Variants in PRSS38 observed in about 807,000 individuals in gnomAD.
PRSS38 encodes marapsin 2.
Under a neutral mutation model 26.8 loss-of-function variants are expected in PRSS38, and 22 were observed. The ratio of observed to expected loss-of-function variants is 0.82; its 90% CI spans 0.59 to 1.17. The LOEUF (loss-of-function observed/expected upper bound fraction) is 1.17. Ranked by LOEUF, PRSS38 falls within the 50% of genes most tolerant of loss-of-function variation. The probability of loss-of-function intolerance (pLI) is 0.00; values close to 1 mark genes in which losing one functional copy is unlikely to be tolerated. For missense variants in PRSS38, 427 were observed against 422.7 expected (o/e 1.01, Z -0.09); for synonymous variants, 175 against 172.1 (o/e 1.02, Z -0.13).
In PRSS38 at chr1:227,818,675, C is replaced by CAAAAAAAAAAAAAAAAAAA. The variant is rs71180764; in HGVS notation, c.583+1201_583+1219dup. Among the ~76,000 whole-genome samples the CAAAAAAAAAAAAAAAAAAA allele has an allele frequency of 3.3e-5, 2 of 61,070 alleles. 1 individual carries two copies. The highest frequency in any genetic ancestry group is 5.8e-5 in the Non-Finnish European group (2 of 34,234). 40.1% of individuals were successfully genotyped at this position (61,070 alleles called of 152,430 possible). A position where few individuals can be genotyped will look rare whatever the true frequency, so the allele number is the denominator to read the frequency against. ...CCTGGGCAACAGTGAGACCTTCTCTCAAAAAAAAAAAAAAAAAAAAAAAAC... is the reference window on the plus strand; with the variant it reads ...CCTGGGCAACAGTGAGACCTTCTCTCAAAAAAAAAAAAAAAAAAAAAAAAAAAAAAAAAAAAAAAAAAAC... On this transcript the variant is annotated intron_variant, in intron 3 of 4. Transcript: ENST00000366757.
chr1:227,833,495 C>G (rs1665191944), intron 3 of PRSS38, among the ~76,000 whole-genome samples: 1 of 150,570 alleles, frequency 6.6e-6, no homozygotes, highest in African/African-American at 2.4e-5. Context: ...GCACTGCACT[C>G]TAGCCTGGGC....
At chr1:227,831,716 G>T (rs12406478) in intron 3 of PRSS38, among the ~76,000 whole-genome samples, 17,506 of 152,090 alleles carry the variant, frequency 0.12, 1,309 homozygotes, top group East Asian at 0.22. Context: ...GCTGGGTGTG[G>T]TGGCATGCAC....
chr1:227,828,663 G>T (rs1373563134), intron 3 of PRSS38, among the ~76,000 whole-genome samples: 1 of 152,172 alleles, frequency 6.6e-6, no homozygotes, highest in African/African-American at 2.4e-5. Flanking sequence ...ATGAAGAAGG[G>T]TCCTCAACAA....
At chr1:227,845,755 G>A in intron 4 of PRSS38, 143 bp downstream of exon 4, 4 of 1,210,246 alleles carry the variant, frequency 3.3e-6, no homozygotes, top group East Asian at 2.4e-5. Context: ...ATGACAATGT[G>A]TGAACGCCGC....
chr1:227,821,111 C>T (rs565562292), intron 3 of PRSS38, among the ~76,000 whole-genome samples: 1 of 152,160 alleles, frequency 6.6e-6, no homozygotes, highest in Non-Finnish European at 1.5e-5. Flanking sequence ...AAAAACCAAA[C>T]TCACTTATGA....
intron 3 of PRSS38, among the ~76,000 whole-genome samples, chr1:227,841,685 T>A (rs1231632405): frequency 6.6e-6 from 1 of 152,170 alleles, no homozygotes; most frequent in Non-Finnish European, 1.5e-5. Context: ...CAGGAAAGGG[T>A]TGACCCAATG....
intron 3 of PRSS38, among the ~76,000 whole-genome samples, chr1:227,831,084 A>G (rs1045550399): frequency 6.6e-6 from 1 of 151,756 alleles, no homozygotes; most frequent in African/African-American, 2.4e-5. Context: ...CTTTGAATTT[A>G]ATTGTTCTTT....
At position 227,830,640 on chromosome 1, in the gene PRSS38, C is replaced by T. The variant is rs963189933; in HGVS notation, c.583+13160C>T. The stretch of plus-strand genomic sequence containing the variant: ...CTGAGTAGCTGGGATTACAGGCGCC[C>T]ACCACCAAGCCCTGCTAATTTTTAT... On this transcript the variant is annotated intron_variant, in intron 3 of 4. Transcript: ENST00000366757. 1.1e-4 allele frequency among the ~76,000 whole-genome samples: 17 copies of T among 151,292 alleles called. No homozygotes were observed. The East Asian group carries it at 1.4e-3, about 12-fold the overall frequency.
intron 3 of PRSS38, among the ~76,000 whole-genome samples, chr1:227,839,752 C>T (rs1332829329): frequency 2.0e-5 from 3 of 152,022 alleles, no homozygotes; most frequent in African/African-American, 4.8e-5. Context: ...ATGTCATCGC[C>T]GCCTTTTTGG....
At chr1:227,837,934 T>G (rs576191686) in intron 3 of PRSS38, among the ~76,000 whole-genome samples, 1 of 152,264 alleles carries the variant, frequency 6.6e-6, no homozygotes, top group Admixed American at 6.5e-5. Context: ...TTCTTTTTCT[T>G]TTTTAGAGAT....
At chr1:227,842,287 G>C (rs1173509706) in intron 3 of PRSS38, among the ~76,000 whole-genome samples, 3 of 152,164 alleles carry the variant, frequency 2.0e-5, no homozygotes, top group Non-Finnish European at 4.4e-5. Context: ...TTCCAGGAAA[G>C]CTTTCCCAAA....
chr1:227,844,019 C>CA (rs950412395), intron 3 of PRSS38, among the ~76,000 whole-genome samples: 1 of 152,126 alleles, frequency 6.6e-6, no homozygotes, highest in African/African-American at 2.4e-5. Context: ...ACAAAACAAA[C>CA]AAAAAACCCT....
chr1:227,816,309 C>A lies in PRSS38; in HGVS notation c.311+57C>A. 1 of 1,555,736 alleles carries A rather than the reference C, an allele frequency of 6.4e-7. No individual in the cohort carries two copies. On this transcript the variant is annotated intron_variant, in intron 2 of 4. Transcript: ENST00000366757. This position sits in a 1 kb window ranked among gnomAD's most constrained non-coding sequence, Gnocchi z 5.1. ...TAGCTGGGCCTGCACGGAGTGCCCA[C>A]AGCGGCTTGGATGGACCCCACGCAA... is the stretch of plus-strand genomic sequence containing the variant.
intron 3 of PRSS38, 107 bp downstream of exon 3, chr1:227,817,587 A>G: frequency 1.9e-5 from 20 of 1,057,528 alleles, no homozygotes; most frequent in Non-Finnish European, 2.6e-5. Flanking sequence ...GGGGACTGGA[A>G]TCCCCACCTG....
At chr1:227,815,689 A>T, upstream of PRSS38, 1 of 1,547,674 alleles carries the variant, frequency 6.5e-7, no homozygotes, top group Admixed American at 1.9e-5. Context: ...GGAGCTAGTC[A>T]CCCGCTGGGG....
At position 227,836,978 on chromosome 1, in the gene PRSS38, T is replaced by C. The variant is rs183618767; in HGVS notation, c.584-8492T>C. Among the ~76,000 whole-genome samples the C allele has an allele frequency of 9.5e-4, 144 of 152,318 alleles. 1 individual carries two copies. The highest frequency in any genetic ancestry group is 2.9e-3 in the Admixed American group (45 of 15,304). ...TCAGTGTAGACAAACATTTTATTTA[T>C]ATATTTATTTAATCTTATTTTATTC... On this transcript the variant is annotated intron_variant, in intron 3 of 4. Transcript: ENST00000366757.
At chr1:227,830,521 G>C (rs1394676473) in intron 3 of PRSS38, among the ~76,000 whole-genome samples, 1 of 43,532 alleles carries the variant, frequency 2.3e-5, no homozygotes, top group Non-Finnish European at 4.6e-5. Context: ...TTTTTTTTTT[G>C]AGATGGAGTT....
At chr1:227,832,286 C>A (rs956294778) in intron 3 of PRSS38, among the ~76,000 whole-genome samples, 2 of 152,090 alleles carry the variant, frequency 1.3e-5, no homozygotes. Context: ...TTTAGTCCAT[C>A]TTCACGTTTA....
intron 3 of PRSS38, among the ~76,000 whole-genome samples, chr1:227,842,404 C>T (rs1182624946): frequency 1.3e-5 from 2 of 151,952 alleles, no homozygotes; most frequent in Admixed American, 6.6e-5. Flanking sequence ...CATTCTAATT[C>T]TCAGATCAAA....
Sources: allele counts gnomAD v4.1 joint callset (sites outside exome capture counted in the v4.1 genomes callset), GRCh38; gene constraint gnomAD v4.1.1; non-coding constraint Gnocchi (gnomAD v3.1); transcripts MANE v1.5; gene names NCBI Gene and HGNC (gene_info 2026-07-23, HGNC 2026-07-21).